Variants in CACNB4 observed in about 807,000 individuals in gnomAD.
CACNB4 encodes the protein voltage-dependent L-type calcium channel subunit beta-4.
Under a neutral mutation model 71.2 loss-of-function variants are expected in CACNB4, and 32 were observed. The ratio of observed to expected loss-of-function variants is 0.45; its 90% CI spans 0.34 to 0.60. CACNB4 has a LOEUF of 0.60. CACNB4 is among the 20% of genes least tolerant of loss of function. The pLI is 0.01. For synonymous variants in CACNB4, 231 were observed against 236.9 expected (o/e 0.97, Z 0.23); for missense variants, 464 against 647.9 (o/e 0.72, Z 3.08).
At chr2:152,061,922 G>T (rs1686037030) in intron 2 of CACNB4, among the ~76,000 whole-genome samples, 1 of 151,694 alleles carries the variant, frequency 6.6e-6, no homozygotes, top group African/African-American at 2.4e-5. Context: ...TGAGAGAGGA[G>T]AATCACATGA....
chr2:151,928,385 C>G lies in CACNB4; in HGVS notation c.148-45015G>C, dbSNP rs1405803968. ...AACTCTAATGTAACAGAACCAAAAG[C>G]AGCCCCATAAAGGCAAGGACCATGC... On this transcript the variant is annotated intron_variant, in intron 2 of 13. Coordinates refer to ENST00000539935, the MANE Select transcript of CACNB4 (RefSeq NM_000726.5). Among the ~76,000 whole-genome samples the G allele has an allele frequency of 4.6e-5, 7 of 152,280 alleles. No individual in the cohort carries two copies. In the East Asian group the frequency reaches 1.2e-3, roughly 25 times the overall value.
intron 2 of CACNB4, among the ~76,000 whole-genome samples, chr2:152,009,547 A>T (rs1333142502): frequency 6.6e-6 from 1 of 152,230 alleles, no homozygotes; most frequent in Non-Finnish European, 1.5e-5. Context: ...TCTCTGTACC[A>T]CTGTCACAGT....
chr2:151,995,363 C>T (rs371759441), intron 2 of CACNB4, among the ~76,000 whole-genome samples: 90 of 152,244 alleles, frequency 5.9e-4, no homozygotes, highest in African/African-American at 2.1e-3. Flanking sequence ...TGGCTCACAG[C>T]CTTTCAGTCA....
In CACNB4 at chr2:151,865,134, G is replaced by A. The variant is rs117430221; in HGVS notation, c.758+4043C>T. Reference sequence around the variant, plus strand: ...AGGAGAATGAAATTGATTACGAAACGGAAGTTGCTGCTGTTCTTTTTCCAT... The same window carrying A: ...AGGAGAATGAAATTGATTACGAAACAGAAGTTGCTGCTGTTCTTTTTCCAT... On this transcript the variant is annotated intron_variant, in intron 9 of 13. Coordinates refer to ENST00000539935, the MANE Select transcript of CACNB4 (RefSeq NM_000726.5). Among the ~76,000 whole-genome samples the A allele has an allele frequency of 5.3e-4, 81 of 152,278 alleles. No individual in the cohort carries two copies. The East Asian group carries it at 9.6e-3, about 18-fold the overall frequency.
At chr2:151,907,071 T>C (rs75409805) in intron 2 of CACNB4, among the ~76,000 whole-genome samples, 3 of 152,306 alleles carry the variant, frequency 2.0e-5, no homozygotes, top group South Asian at 4.1e-4. Flanking sequence ...CTTTTTTTTT[T>C]CCTTGAGTTA....
intron 2 of CACNB4, among the ~76,000 whole-genome samples, chr2:151,941,070 A>G (rs2099864111): frequency 1.3e-5 from 2 of 152,170 alleles, no homozygotes; most frequent in South Asian, 4.1e-4. Context: ...TAGAGTTTCT[A>G]AAAGTAAAAA....
In CACNB4 at chr2:151,860,769, G is replaced by A; in HGVS notation, c.810C>T (p.Val270=). 6.2e-7 allele frequency: 1 copy of A among 1,613,730 alleles called. No homozygotes were observed. The highest frequency in any genetic ancestry group is 8.5e-7 in the Non-Finnish European group (1 of 1,179,694). ...TTGCTCTCTTGCTGGGATTATTTAGGACAGACCTCTTAGCAAGAGAAATGT... is the reference window on the plus strand; with the variant it reads ...TTGCTCTCTTGCTGGGATTATTTAGAACAGACCTCTTAGCAAGAGAAATGT... The part of the protein sequence containing the change: ...TADISLAKRS[V]LNNPSKRAII... The change falls in exon 10 of 14, where the codon GTC becomes GTT. Residue 270 remains valine (V), a synonymous_variant. Transcript: ENST00000539935.
In CACNB4 at chr2:151,835,617, C is replaced by T. The variant is rs1056598859; in HGVS notation, c.*3502G>A. ...GCCAAGACACATTCTTAACGGACATCCTGGGTCTTAACAACATTTTGTGAT... is the reference window on the plus strand; with the variant it reads ...GCCAAGACACATTCTTAACGGACATTCTGGGTCTTAACAACATTTTGTGAT... On this transcript the variant is annotated 3_prime_UTR_variant, in exon 14 of 14. Coordinates refer to ENST00000539935, the MANE Select transcript of CACNB4 (RefSeq NM_000726.5). The T allele has an allele frequency of 3.9e-5, 6 of 151,938 alleles. No homozygotes were observed. The South Asian group carries it at 6.2e-4, about 16-fold the overall frequency. The allele number at this position is 151,938 out of a possible 1,614,324, so 9.4% of individuals were successfully genotyped here. A position where few individuals can be genotyped will look rare whatever the true frequency, so the allele number is the denominator to read the frequency against.
intron 2 of CACNB4, among the ~76,000 whole-genome samples, chr2:151,996,478 TAAA>T (rs58787133): frequency 1.3e-4 from 18 of 136,312 alleles, no homozygotes; most frequent in Admixed American, 3.7e-4. Context: ...CCCTGTCTCT[TAAA>T]AAAAAAAAAA....
intron 2 of CACNB4, among the ~76,000 whole-genome samples, chr2:151,908,152 G>T (rs144698659): frequency 1.3e-5 from 2 of 152,200 alleles, no homozygotes; most frequent in African/African-American, 4.8e-5. Flanking sequence ...GAACAAAGAC[G>T]CCAGGAGGGA....
At chr2:151,958,901 T>C (rs2151689483) in intron 2 of CACNB4, among the ~76,000 whole-genome samples, 1 of 152,260 alleles carries the variant, frequency 6.6e-6, no homozygotes, top group South Asian at 2.1e-4. Context: ...ATCAATACAG[T>C]ATGTGATCAC....
chr2:151,958,655 C>A (rs2099868914), intron 2 of CACNB4, among the ~76,000 whole-genome samples: 1 of 152,064 alleles, frequency 6.6e-6, no homozygotes, highest in South Asian at 2.1e-4. Context: ...TTTCAGTTCA[C>A]CTCCTCCTCT....
intron 2 of CACNB4, among the ~76,000 whole-genome samples, chr2:152,045,764 T>C (rs1387978615): frequency 6.6e-6 from 1 of 152,070 alleles, no homozygotes; most frequent in African/African-American, 2.4e-5. Flanking sequence ...GTTCAGACGG[T>C]ACCTTAGGCA....
chr2:151,976,838 T>C (rs1028731968), intron 2 of CACNB4, among the ~76,000 whole-genome samples: 1 of 152,184 alleles, frequency 6.6e-6, no homozygotes, highest in Admixed American at 6.5e-5. Context: ...CGAGCCTGTT[T>C]CAGATCAGCT....
intron 4 of CACNB4, 107 bp downstream of exon 4, chr2:151,880,693 C>T (rs763549588): frequency 7.8e-5 from 91 of 1,161,480 alleles, no homozygotes; most frequent in Non-Finnish European, 1.1e-4. Context: ...AAATCATGTA[C>T]TGCACTGGCA....
At chr2:152,085,892 C>T (rs1199852251) in intron 2 of CACNB4, among the ~76,000 whole-genome samples, 1 of 148,582 alleles carries the variant, frequency 6.7e-6, no homozygotes, top group Non-Finnish European at 1.5e-5. Flanking sequence ...AATAAAATAG[C>T]AAATTTTATA....
At chr2:151,955,544 G>C (rs1315430587) in intron 2 of CACNB4, among the ~76,000 whole-genome samples, 1 of 152,254 alleles carries the variant, frequency 6.6e-6, no homozygotes, top group Admixed American at 6.5e-5. Context: ...ATGCTGCTAT[G>C]GGAATTCAGA....
intron 2 of CACNB4, among the ~76,000 whole-genome samples, chr2:152,026,707 T>TA (rs911282729): frequency 2.0e-5 from 3 of 152,106 alleles, no homozygotes; most frequent in Admixed American, 6.5e-5. Context: ...CTATAGTACC[T>TA]AGAAGAATTG....
At chr2:151,918,471 C>T (rs1311041633) in intron 2 of CACNB4, among the ~76,000 whole-genome samples, 1 of 152,180 alleles carries the variant, frequency 6.6e-6, no homozygotes, top group Non-Finnish European at 1.5e-5. Flanking sequence ...CTCAGCTAAA[C>T]AAATGAACAA....
Sources: allele counts gnomAD v4.1 joint callset (sites outside exome capture counted in the v4.1 genomes callset), GRCh38; gene constraint gnomAD v4.1.1; transcripts MANE v1.5; gene names NCBI Gene and HGNC (gene_info 2026-07-23, HGNC 2026-07-21).